VAPB: variants seen among roughly 807,000 people sequenced by gnomAD.
VAPB encodes the protein vesicle-associated membrane protein-associated protein B/C.
Under a neutral mutation model 25.6 loss-of-function variants are expected in VAPB, and 7 were observed. That is an observed-to-expected ratio of 0.27 (90% CI 0.16 to 0.51). The LOEUF is 0.51. VAPB is among the 20% of genes least tolerant of loss of function. The pLI is 0.97. For missense variants in VAPB, 266 were observed against 301.3 expected (o/e 0.88, Z 0.87); for synonymous variants, 112 against 109.2 (o/e 1.03, Z -0.16).
intron 1 of VAPB, among the ~76,000 whole-genome samples, chr20:58,411,996 G>A (rs1368822786): frequency 6.6e-6 from 1 of 152,158 alleles, no homozygotes; most frequent in Non-Finnish European, 1.5e-5. Context: ...TCATATTATT[G>A]AGTTTTAAGA....
Position 58,440,685 on chromosome 20 carries a change from C to T in VAPB, c.397-222C>T, listed in dbSNP as rs73616273. 599 of 463,188 alleles carry T rather than the reference C, an allele frequency of 1.3e-3. 8 individuals are homozygous for T. In the East Asian group the frequency reaches 0.022, roughly 17 times the overall value. 28.7% of individuals were successfully genotyped at this position (463,188 alleles called of 1,614,324 possible). On this transcript the variant is annotated intron_variant, in intron 4 of 5. Coordinates refer to ENST00000475243, the MANE Select transcript of VAPB (RefSeq NM_004738.5). ...CTTTCTTTGAAGTATTAGTCTCAGCCGAACTTCATTATTTGCCCTTATCCA... is the reference window on the plus strand; with the variant it reads ...CTTTCTTTGAAGTATTAGTCTCAGCTGAACTTCATTATTTGCCCTTATCCA...
chr20:58,431,324 A>G (rs1423106982), intron 2 of VAPB: 1 of 152,162 alleles, frequency 6.6e-6, no homozygotes, highest in Non-Finnish European at 1.5e-5. Context: ...TGATGATCTC[A>G]TTGGAAAAGT....
At chr20:58,410,220 T>A (rs1006543880) in intron 1 of VAPB, among the ~76,000 whole-genome samples, 1 of 152,138 alleles carries the variant, frequency 6.6e-6, no homozygotes. Context: ...TACATTGACA[T>A]GTCATTGTTA....
intron 1 of VAPB, among the ~76,000 whole-genome samples, chr20:58,400,428 G>A (rs1368254552): frequency 6.6e-6 from 1 of 152,154 alleles, no homozygotes; most frequent in Non-Finnish European, 1.5e-5. Context: ...TCTTGTTACT[G>A]TTTGAAAGCT....
chr20:58,442,230 G>A (rs1600819774), intron 5 of VAPB, among the ~76,000 whole-genome samples: 1 of 152,172 alleles, frequency 6.6e-6, no homozygotes, highest in East Asian at 1.9e-4. Flanking sequence ...TTGGGAAATG[G>A]CATCATCTTC....
In VAPB at chr20:58,415,797, A is replaced by G. The variant is rs575026943; in HGVS notation, c.59-2414A>G. Among the ~76,000 whole-genome samples the G allele has an allele frequency of 2.0e-5, 3 of 152,354 alleles. No individual in the cohort carries two copies. In the South Asian group the frequency reaches 6.2e-4, roughly 32 times the overall value. ...TAGTAAAAGTCTGAATGATGCTCAT[A>G]AGCTTTTACATCATTTTTATTGAAG... On this transcript the variant is annotated intron_variant, in intron 1 of 5. Coordinates refer to ENST00000475243, the MANE Select transcript of VAPB (RefSeq NM_004738.5).
Position 58,424,578 on chromosome 20 carries a change from T to C in VAPB, c.211+6215T>C, listed in dbSNP as rs62205709. Among the ~76,000 whole-genome samples, 359 of 152,326 alleles carry C rather than the reference T, an allele frequency of 2.4e-3. 2 individuals are homozygous for C. Among genetic ancestry groups the C allele is most frequent in the Non-Finnish European group, 3.9e-3 (265 of 68,034 alleles). The stretch of plus-strand genomic sequence containing the variant: ...CATAAGAGTAATCAGAAAAGGGGTA[T>C]GTTGTATTCCATTATAAATGTTAGA... On this transcript the variant is annotated intron_variant, in intron 2 of 5. Transcript: ENST00000475243.
rs1174506222 is a variant in VAPB at position 58,446,535 on chromosome 20, A to G, written c.*2300A>G. ...GGCTTGTGAGTCTGTAACAGTTCTTAAAAAGAATATCTGAGAAACTACTCT... is the reference window on the plus strand; with the variant it reads ...GGCTTGTGAGTCTGTAACAGTTCTTGAAAAGAATATCTGAGAAACTACTCT... On this transcript the variant is annotated 3_prime_UTR_variant, in exon 6 of 6. Transcript: ENST00000475243. 4.4e-6 allele frequency: 2 copies of G among 453,794 alleles called. No homozygotes were observed. Among genetic ancestry groups the G allele is most frequent in the Non-Finnish European group, 4.4e-6 (1 of 226,706 alleles). 28.1% of individuals were successfully genotyped at this position (453,794 alleles called of 1,614,324 possible). A position where few individuals can be genotyped will look rare whatever the true frequency, so the allele number is the denominator to read the frequency against.
At chr20:58,406,197 C>T (rs772751073) in intron 1 of VAPB, among the ~76,000 whole-genome samples, 3 of 152,056 alleles carry the variant, frequency 2.0e-5, no homozygotes, top group Non-Finnish European at 2.9e-5. Context: ...GGCCAGGCTG[C>T]AGATATAAAT....
At chr20:58,419,772 C>T (rs943218986) in intron 2 of VAPB, among the ~76,000 whole-genome samples, 1 of 152,064 alleles carries the variant, frequency 6.6e-6, no homozygotes, top group Non-Finnish European at 1.5e-5. Context: ...TCTTTTGTTC[C>T]CCTCTTCTAT....
chr20:58,419,418 C>G (rs982376091), intron 2 of VAPB, among the ~76,000 whole-genome samples: 1 of 152,160 alleles, frequency 6.6e-6, no homozygotes, highest in African/African-American at 2.4e-5. Context: ...ACCTGATCTT[C>G]GAATCAAGTT....
Position 58,444,284 on chromosome 20 carries a change from A to G in VAPB, c.*49A>G, listed in dbSNP as rs770060672. 2 of 1,613,702 alleles carry G rather than the reference A, an allele frequency of 1.2e-6. No homozygotes were observed. Among genetic ancestry groups the G allele is most frequent in the South Asian group, 1.1e-5 (1 of 91,040 alleles). On this transcript the variant is annotated 3_prime_UTR_variant, in exon 6 of 6. Coordinates refer to ENST00000475243, the MANE Select transcript of VAPB (RefSeq NM_004738.5). ...ATTGGATTGGTGGATCCACCATATC[A>G]TGGGATTTAAATTTATCATAACCAT...
intron 2 of VAPB, among the ~76,000 whole-genome samples, chr20:58,423,487 C>T (rs554607964): frequency 7.2e-6 from 1 of 139,054 alleles, no homozygotes; most frequent in South Asian, 2.5e-4. Context: ...ATCAGCAGCT[C>T]TTCTTGGATG....
chr20:58,435,493 G>T (rs1351272275), intron 3 of VAPB, among the ~76,000 whole-genome samples: 1 of 152,226 alleles, frequency 6.6e-6, no homozygotes, highest in East Asian at 1.9e-4. Context: ...TCCAGTTTTG[G>T]CCCGCCCAAA....
At chr20:58,439,393 G>A (rs1209613343) in intron 4 of VAPB, 1 of 256,960 alleles carries the variant, frequency 3.9e-6, no homozygotes, top group Admixed American at 4.9e-5. Context: ...CGTGTGGGAA[G>A]CTTTCAAGTT....
intron 2 of VAPB, among the ~76,000 whole-genome samples, chr20:58,433,719 C>G (rs1988977536): frequency 6.6e-6 from 1 of 152,186 alleles, no homozygotes; most frequent in Non-Finnish European, 1.5e-5. Context: ...GATGGTAAAC[C>G]TAAGGGACAG....
intron 1 of VAPB, among the ~76,000 whole-genome samples, chr20:58,400,754 C>T (rs1988077622): frequency 6.6e-6 from 1 of 152,172 alleles, no homozygotes; most frequent in Non-Finnish European, 1.5e-5. Flanking sequence ...GAAACAGAAG[C>T]ATACACAAGA....
chr20:58,428,235 A>T (rs1023559364), intron 2 of VAPB, among the ~76,000 whole-genome samples: 4 of 152,260 alleles, frequency 2.6e-5, no homozygotes, highest in African/African-American at 9.6e-5. Flanking sequence ...CCCAGTTTGC[A>T]ATCTGTAATA....
intron 1 of VAPB, among the ~76,000 whole-genome samples, chr20:58,414,315 C>T (rs1246038685): frequency 2.8e-5 from 4 of 143,544 alleles, no homozygotes; most frequent in Non-Finnish European, 4.6e-5. Flanking sequence ...GCTGGCCTGG[C>T]GGGGGGCTGA....
Sources: gnomAD v4.1 joint callset for allele counts (sites outside exome capture counted in the v4.1 genomes callset) on GRCh38, gnomAD v4.1.1 for gene constraint, MANE v1.5 for transcripts, NCBI Gene and HGNC (gene_info 2026-07-23, HGNC 2026-07-21) for gene names.